Variants in SLC24A2 observed in about 807,000 individuals in gnomAD.
SLC24A2 encodes sodium/potassium/calcium exchanger 2.
Under a neutral mutation model 62.0 loss-of-function variants are expected in SLC24A2, and 36 were observed. That is an observed-to-expected ratio of 0.58 (90% CI 0.44 to 0.77). The LOEUF is 0.77. Among genes scored for constraint, SLC24A2 ranks in the 30% least tolerant of loss-of-function variants. The pLI is 0.00. For missense variants in SLC24A2, 846 were observed against 817.9 expected (o/e 1.03, Z -0.42); for synonymous variants, 358 against 294.0 (o/e 1.22, Z -2.23).
chr9:20,185,724 T>C, the SLC24A2 span, among the ~76,000 whole-genome samples: 1 of 151,392 alleles, frequency 6.6e-6, no homozygotes, highest in Non-Finnish European at 1.5e-5. Flanking sequence ...ACCTCAGATC[T>C]ACTGAAGGCG....
chr9:20,197,335 T>C, the SLC24A2 span, among the ~76,000 whole-genome samples: 5 of 151,932 alleles, frequency 3.3e-5, no homozygotes, highest in Admixed American at 6.6e-5. Context: ...TGTTTTCCCA[T>C]AGACATAAAT....
chr9:19,907,044 T>C, the SLC24A2 span, among the ~76,000 whole-genome samples: 1 of 152,162 alleles, frequency 6.6e-6, no homozygotes, highest in South Asian at 2.1e-4. Context: ...TTTAGACCAA[T>C]ATCCCTGATG....
At chr9:19,647,064 G>GCACACACACA (rs1227341512) in intron 2 of SLC24A2, among the ~76,000 whole-genome samples, 1 of 25,186 alleles carries the variant, frequency 4.0e-5, no homozygotes, top group African/African-American at 2.2e-4. Flanking sequence ...ACACACACAC[G>GCACACACACA]CGCGCACACA....
chr9:20,042,264 A>G, the SLC24A2 span, among the ~76,000 whole-genome samples: 1 of 152,224 alleles, frequency 6.6e-6, no homozygotes, highest in Non-Finnish European at 1.5e-5. Flanking sequence ...TGTCTAGGGA[A>G]AGGAAAAGAA....
the SLC24A2 span, among the ~76,000 whole-genome samples, chr9:19,811,738 A>T: frequency 1.3e-5 from 2 of 152,152 alleles, no homozygotes; most frequent in Non-Finnish European, 2.9e-5. Flanking sequence ...AAAACTTTAG[A>T]TACTTTTAAC....
At chr9:20,190,510 T>A in the SLC24A2 span, among the ~76,000 whole-genome samples, 1 of 152,300 alleles carries the variant, frequency 6.6e-6, no homozygotes, top group South Asian at 2.1e-4. Context: ...CTAATATACA[T>A]CATATATTGT....
At chr9:19,882,652 G>T in the SLC24A2 span, among the ~76,000 whole-genome samples, 2 of 140,166 alleles carry the variant, frequency 1.4e-5, no homozygotes, top group Non-Finnish European at 3.1e-5. Context: ...AGCTTCCTGA[G>T]GATCTACAGG....
the SLC24A2 span, among the ~76,000 whole-genome samples, chr9:19,978,422 T>TA: frequency 5.5e-4 from 84 of 151,938 alleles, no homozygotes; most frequent in African/African-American, 2.0e-3. Context: ...CTTTTTTTTT[T>TA]AAAGAATGTG....
chr9:20,063,131 C>A, the SLC24A2 span, among the ~76,000 whole-genome samples: 1 of 136,724 alleles, frequency 7.3e-6, no homozygotes, highest in Admixed American at 7.9e-5. Flanking sequence ...ACACAGCCAT[C>A]CCATTACTGG....
At chr9:19,567,581 T>G (rs1312393279) in intron 7 of SLC24A2, among the ~76,000 whole-genome samples, 2 of 150,876 alleles carry the variant, frequency 1.3e-5, no homozygotes, top group Non-Finnish European at 2.9e-5. Context: ...GAATATGTTC[T>G]TATAATTTTA....
the SLC24A2 span, among the ~76,000 whole-genome samples, chr9:19,855,990 A>AT: frequency 0.025 from 3,750 of 150,238 alleles, 148 homozygotes; most frequent in African/African-American, 0.086. Flanking sequence ...GTTCCTTTTC[A>AT]TTTTTTTTCT....
At chr9:20,043,679 T>C in the SLC24A2 span, among the ~76,000 whole-genome samples, 1 of 152,214 alleles carries the variant, frequency 6.6e-6, no homozygotes, top group Non-Finnish European at 1.5e-5. Flanking sequence ...AACCTGAAGA[T>C]GGCACCGAAT....
rs76550729 is a variant in SLC24A2 at position 19,726,650 on chromosome 9, G to A, written c.930+59287C>T. The stretch of plus-strand genomic sequence containing the variant: ...TCCTGTTGGCTAATACAATTATTTG[G>A]CACTAAATATCCTCTACTTGTCATG... On this transcript the variant is annotated intron_variant, in intron 2 of 10. Coordinates refer to ENST00000341998, the MANE Select transcript of SLC24A2 (RefSeq NM_020344.4). 7.9e-3 allele frequency among the ~76,000 whole-genome samples: 1,203 copies of A among 152,158 alleles called. 7 individuals carry two copies. Among genetic ancestry groups the A allele is most frequent in the Non-Finnish European group, 0.011 (761 of 68,008 alleles).
At chr9:19,727,571 A>G (rs911160261) in intron 2 of SLC24A2, among the ~76,000 whole-genome samples, 1 of 152,214 alleles carries the variant, frequency 6.6e-6, no homozygotes. Context: ...ACTTAGAACA[A>G]TGACTAGCAT....
At chr9:19,544,692 T>G (rs900829242) in intron 8 of SLC24A2, among the ~76,000 whole-genome samples, 1 of 152,198 alleles carries the variant, frequency 6.6e-6, no homozygotes, top group African/African-American at 2.4e-5. Context: ...CTTACGAAAC[T>G]GAGTTTGCCT....
chr9:20,078,597 C>G, the SLC24A2 span, among the ~76,000 whole-genome samples: 1 of 152,216 alleles, frequency 6.6e-6, no homozygotes, highest in Non-Finnish European at 1.5e-5. Context: ...CAGGCCATGA[C>G]TGTGGAGAAG....
intron 2 of SLC24A2, among the ~76,000 whole-genome samples, chr9:19,733,710 T>A (rs1217288840): frequency 6.6e-6 from 1 of 152,218 alleles, no homozygotes; most frequent in Non-Finnish European, 1.5e-5. Flanking sequence ...TTCTCCAATG[T>A]CCTCTGGACC....
chr9:19,585,151 A>G (rs547868490), intron 5 of SLC24A2, among the ~76,000 whole-genome samples: 1 of 152,324 alleles, frequency 6.6e-6, no homozygotes, highest in South Asian at 2.1e-4. Flanking sequence ...TAGCATAAAA[A>G]AAGACTTTTT....
chr9:20,111,805 G>T, the SLC24A2 span, among the ~76,000 whole-genome samples: 1 of 151,960 alleles, frequency 6.6e-6, no homozygotes, highest in Admixed American at 6.6e-5. Flanking sequence ...TGTCCACTGG[G>T]GGATGCTTCT....
Sources: gnomAD v4.1 joint callset for allele counts (sites outside exome capture counted in the v4.1 genomes callset) on GRCh38, gnomAD v4.1.1 for gene constraint, MANE v1.5 for transcripts, NCBI Gene and HGNC (gene_info 2026-07-23, HGNC 2026-07-21) for gene names.